Variants in MTF2 observed in about 807,000 individuals in gnomAD.
MTF2 encodes metal-response element-binding transcription factor 2.
A neutral mutation model predicts 79.5 loss-of-function variants in MTF2; 11 were observed. The ratio of observed to expected loss-of-function variants is 0.14; its 90% confidence interval spans 0.09 to 0.23. The LOEUF (loss-of-function observed/expected upper bound fraction) is 0.23. Ranked by LOEUF, MTF2 falls within the 10% of genes least tolerant of loss-of-function variation. The pLI is 1.00. For synonymous variants in MTF2, 208 were observed against 232.8 expected (o/e 0.89, Z 0.97); for missense variants, 486 against 711.2 (o/e 0.68, Z 3.60).
intron 1 of MTF2, among the ~76,000 whole-genome samples, chr1:93,087,894 C>G (rs1463115913): frequency 1.3e-5 from 2 of 152,030 alleles, no homozygotes; most frequent in East Asian, 3.9e-4. Flanking sequence ...GTAGTCTTCC[C>G]TTCCTATTCT....
chr1:93,115,322 T>G, intron 5 of MTF2, 148 bp from the exon 6 acceptor site: 2 of 711,210 alleles, frequency 2.8e-6, no homozygotes, highest in Non-Finnish European at 4.4e-6. Flanking sequence ...AAAAGAAAAA[T>G]AGAGATTATT....
intron 11 of MTF2, among the ~76,000 whole-genome samples, chr1:93,131,862 G>A (rs1656930350): frequency 6.6e-6 from 1 of 152,116 alleles, no homozygotes; most frequent in South Asian, 2.1e-4. Flanking sequence ...GTTGAAATGG[G>A]GTGAAAGAGA....
chr1:93,114,004 A>T (rs567195853), intron 3 of MTF2, among the ~76,000 whole-genome samples: 23 of 125,944 alleles, frequency 1.8e-4, no homozygotes, highest in African/African-American at 1.1e-3. Context: ...ATTTTGTGTG[A>T]TTTTTTTTTT....
intron 9 of MTF2, among the ~76,000 whole-genome samples, chr1:93,125,654 G>A (rs1031073778): frequency 2.6e-5 from 4 of 151,916 alleles, no homozygotes; most frequent in Admixed American, 6.6e-5. Context: ...GGTATGATAG[G>A]GGATACTCAA....
At chr1:93,091,531 T>G (rs1655074923) in intron 1 of MTF2, among the ~76,000 whole-genome samples, 1 of 151,816 alleles carries the variant, frequency 6.6e-6, no homozygotes. Flanking sequence ...CAAATAAGAG[T>G]TTTCCAGAGA....
intron 9 of MTF2, 91 bp from the exon 10 acceptor site, chr1:93,127,141 T>C: frequency 1.2e-6 from 1 of 847,794 alleles, no homozygotes; most frequent in Non-Finnish European, 2.0e-6. Flanking sequence ...CAGTACACTT[T>C]TCCTCTGCAT....
chr1:93,101,826 C>T (rs1655558922), intron 1 of MTF2, among the ~76,000 whole-genome samples: 1 of 152,010 alleles, frequency 6.6e-6, no homozygotes, highest in African/African-American at 2.4e-5. Flanking sequence ...ACTCCTCCCG[C>T]CTTGGCCTCC....
intron 1 of MTF2, among the ~76,000 whole-genome samples, chr1:93,106,986 A>G (rs1002799462): frequency 1.3e-5 from 2 of 152,152 alleles, no homozygotes; most frequent in Non-Finnish European, 2.9e-5. Context: ...GTTCTCTTGC[A>G]CTGATCTTGT....
chr1:93,083,116 A>G (rs1406645449), intron 1 of MTF2, among the ~76,000 whole-genome samples: 4 of 152,188 alleles, frequency 2.6e-5, no homozygotes, highest in Non-Finnish European at 5.9e-5. Context: ...ATGGCTGGGG[A>G]GGCCTCAGGA....
At position 93,110,539 on chromosome 1, in the gene MTF2, T is replaced by C; in HGVS notation, c.205-6T>C. On this transcript the variant is annotated splice_region_variant and splice_polypyrimidine_tract_variant and intron_variant, in intron 2 of 14. Coordinates refer to ENST00000370298, the MANE Select transcript of MTF2 (RefSeq NM_007358.4). The stretch of plus-strand genomic sequence containing the variant: ...GATCACCGTTAAGTATTTCTCTGTA[T>C]TGCAGATAAACATATTGAAACAGAG... The C allele has an allele frequency of 6.2e-7, 1 of 1,610,536 alleles. No individual in the cohort carries two copies. The highest frequency in any genetic ancestry group is 8.5e-7 in the Non-Finnish European group (1 of 1,177,098).
rs1006520240 is a variant in MTF2, at chr1:93,137,982, A to T, written c.*955A>T. On this transcript the variant is annotated 3_prime_UTR_variant, in exon 15 of 15. Coordinates refer to ENST00000370298, the MANE Select transcript of MTF2 (RefSeq NM_007358.4). ...TTTCAAGTTTTCATGGCACATTATGATTGTAAATGTCTCTCATTTTTAACA... is the reference window on the plus strand; with the variant it reads ...TTTCAAGTTTTCATGGCACATTATGTTTGTAAATGTCTCTCATTTTTAACA... The T allele has an allele frequency of 6.6e-6, 1 of 152,198 alleles. No homozygotes were observed. 9.4% of individuals were successfully genotyped at this position (152,198 alleles called of 1,614,324 possible).
intron 1 of MTF2, among the ~76,000 whole-genome samples, chr1:93,085,283 C>G (rs1453819410): frequency 6.6e-5 from 10 of 150,638 alleles, no homozygotes; most frequent in South Asian, 2.1e-4. Flanking sequence ...TCATGTCATT[C>G]TCCTGCCTCA....
chr1:93,110,118 G>A, intron 1 of MTF2, 112 bp from the exon 2 acceptor site: 8 of 990,246 alleles, frequency 8.1e-6, no homozygotes, highest in Non-Finnish European at 1.2e-5. Context: ...TTATATTTTT[G>A]TCTTAAGGTT....
intron 14 of MTF2, among the ~76,000 whole-genome samples, chr1:93,134,801 C>T (rs897492266): frequency 4.8e-5 from 7 of 147,236 alleles, no homozygotes; most frequent in Admixed American, 2.0e-4. Flanking sequence ...TGGGATTACA[C>T]GCCTGAGCCA....
chr1:93,130,952 C>CAA (rs1385915835), intron 11 of MTF2, among the ~76,000 whole-genome samples: 1 of 151,812 alleles, frequency 6.6e-6, no homozygotes, highest in Non-Finnish European at 1.5e-5. Flanking sequence ...GACAAACACA[C>CAA]ACACACACAC....
In MTF2 at chr1:93,115,358, T is replaced by C. The variant is rs140886235; in HGVS notation, c.484-112T>C. On this transcript the variant is annotated intron_variant, in intron 5 of 14. Coordinates refer to ENST00000370298, the MANE Select transcript of MTF2 (RefSeq NM_007358.4). The stretch of plus-strand genomic sequence containing the variant: ...ATTAATCAGACAGTTTGTGATATGG[T>C]AAAAGTTTGGAAAGGAAATTTCTCC... 370 of 927,342 alleles carry C rather than the reference T, an allele frequency of 4.0e-4. 1 individual carries two copies. In the African/African-American group the frequency reaches 5.2e-3, roughly 13 times the overall value. The allele number at this position is 927,342 out of a possible 1,614,324, so 57.4% of individuals were successfully genotyped here. A position where few individuals can be genotyped will look rare whatever the true frequency, so the allele number is the denominator to read the frequency against.
At chr1:93,121,198 A>G in intron 9 of MTF2, 5 of 981,086 alleles carry the variant, frequency 5.1e-6, no homozygotes, top group Non-Finnish European at 6.1e-6. Context: ...TTTGCTTCTC[A>G]TTTTTGAAGT....
intron 1 of MTF2, among the ~76,000 whole-genome samples, chr1:93,107,840 GCA>G (rs1655865360): frequency 2.6e-5 from 4 of 151,934 alleles, no homozygotes; most frequent in African/African-American, 9.7e-5. Context: ...GAGTGCAGTG[GCA>G]CAATCACAGC....
At chr1:93,123,726 C>G (rs1034332086) in intron 9 of MTF2, among the ~76,000 whole-genome samples, 3 of 150,308 alleles carry the variant, frequency 2.0e-5, no homozygotes, top group African/African-American at 7.3e-5. Flanking sequence ...TGTAATCTTA[C>G]ATTGAATCAG....
Sources: gnomAD v4.1 joint callset for allele counts (sites outside exome capture counted in the v4.1 genomes callset) on GRCh38, gnomAD v4.1.1 for gene constraint, MANE v1.5 for transcripts, NCBI Gene and HGNC (gene_info 2026-07-23, HGNC 2026-07-21) for gene names.